The following SLC15A2 variants were observed in gnomAD, a reference collection of about 807,000 sequenced individuals.
SLC15A2 encodes solute carrier family 15 member 2.
A neutral mutation model predicts 95.5 loss-of-function variants in SLC15A2; 77 were observed. The observed-to-expected ratio is 0.81, with a 90% CI of 0.67 to 0.97. The LOEUF (loss-of-function observed/expected upper bound fraction) is 0.97, where lower values mean the gene tolerates loss of function less well. Among genes scored for constraint, SLC15A2 ranks in the 50% least tolerant of loss-of-function variants. The pLI, the probability that SLC15A2 is intolerant of heterozygous loss-of-function variation, is 0.00. For synonymous variants in SLC15A2, 306 were observed against 306.9 expected, an observed-to-expected ratio of 1.00 and a Z score of 0.03; for missense variants, 893 against 874.4, an observed-to-expected ratio of 1.02 and a Z score of -0.27.
chr3:121,896,134 G>A (rs989667601), intron 1 of SLC15A2, among the ~76,000 whole-genome samples: 1 of 152,028 alleles, frequency 6.6e-6, no homozygotes, highest in Non-Finnish European at 1.5e-5. Context: ...AGTAGTTGTG[G>A]GAAGATGAGC....
In SLC15A2 at chr3:121,924,938, G is replaced by T. The variant is rs768468358; in HGVS notation, c.1036-7G>T. On this transcript the variant is annotated splice_region_variant and splice_polypyrimidine_tract_variant and intron_variant, in intron 12 of 21. Coordinates refer to ENST00000489711, the MANE Select transcript of SLC15A2 (RefSeq NM_021082.4). ...TGTAGCTAATCCTTTTTATCATGGT[G>T]TTACAGGTTCTAAATCCCCTTCTGG... 1 of 1,590,056 alleles carries T rather than the reference G, an allele frequency of 6.3e-7. No homozygotes were observed. Among genetic ancestry groups the T allele is most frequent in the Non-Finnish European group, 8.6e-7 (1 of 1,157,926 alleles).
intron 19 of SLC15A2, among the ~76,000 whole-genome samples, chr3:121,938,186 T>C (rs1297364883): frequency 6.6e-6 from 1 of 151,888 alleles, no homozygotes; most frequent in African/African-American, 2.4e-5. Context: ...GACAGGGACA[T>C]TTAAGTCTGC....
chr3:121,929,461 G>A, intron 17 of SLC15A2, 113 bp downstream of exon 17: 1 of 1,151,924 alleles, frequency 8.7e-7, no homozygotes, highest in Non-Finnish European at 1.3e-6. Context: ...CTCGTAGAAT[G>A]CCAGGGGCAC....
At chr3:121,939,081 A>T (rs1436301503) in intron 19 of SLC15A2, 1 of 290,202 alleles carries the variant, frequency 3.4e-6, no homozygotes, top group East Asian at 5.9e-5. Context: ...GATAGGGCAA[A>T]ACGGTGGAAA....
chr3:121,928,153 C>T, intron 14 of SLC15A2: 1 of 539,244 alleles, frequency 1.9e-6, no homozygotes, highest in Non-Finnish European at 3.3e-6. Context: ...AACCTTTTGG[C>T]AGATTGAATA....
rs2107598090 is a variant in SLC15A2 at position 121,924,388 on chromosome 3, G to A, written c.1035+5G>A. The A allele has an allele frequency of 1.9e-6, 3 of 1,612,858 alleles. No individual in the cohort carries two copies. The highest frequency in any genetic ancestry group is 1.1e-5 in the South Asian group (1 of 91,056). On this transcript the variant is annotated splice_donor_5th_base_variant and intron_variant, in intron 12 of 21. Transcript: ENST00000489711. Reference sequence around the variant, plus strand: ...CTTCAGCCGGACCAGATGCAGGTATGTGACTCTTCTATAGCCATGGGGACT... The same window carrying A: ...CTTCAGCCGGACCAGATGCAGGTATATGACTCTTCTATAGCCATGGGGACT...
At chr3:121,914,261 T>G (rs1376195695) in intron 5 of SLC15A2, among the ~76,000 whole-genome samples, 1 of 152,044 alleles carries the variant, frequency 6.6e-6, no homozygotes, top group African/African-American at 2.4e-5. Context: ...AAATAGAAAA[T>G]GGGGAAGGAC....
chr3:121,911,364 T>C (rs1709762890), intron 3 of SLC15A2, among the ~76,000 whole-genome samples: 1 of 152,196 alleles, frequency 6.6e-6, no homozygotes. Context: ...CCTCTAACAC[T>C]AAAGAGTGAA....
At chr3:121,895,641 C>T (rs1205949827) in intron 1 of SLC15A2, among the ~76,000 whole-genome samples, 1 of 152,076 alleles carries the variant, frequency 6.6e-6, no homozygotes, top group Non-Finnish European at 1.5e-5. Flanking sequence ...CTCTATGTCT[C>T]TTCTCATGTT....
Position 121,942,466 on chromosome 3 carries a change from G to A in SLC15A2, c.*1459G>A, listed in dbSNP as rs990927312. On this transcript the variant is annotated 3_prime_UTR_variant, in exon 22 of 22. Coordinates refer to ENST00000489711, the MANE Select transcript of SLC15A2 (RefSeq NM_021082.4). ...TACGTAACAATGTTCATGTTAACAG[G>A]CACCTGTTAATATTAACAGATAATG... The A allele has an allele frequency of 6.6e-6, 1 of 152,144 alleles. No individual in the cohort carries two copies. Among genetic ancestry groups the A allele is most frequent in the Non-Finnish European group, 1.5e-5 (1 of 68,024 alleles). 9.4% of individuals were successfully genotyped at this position (152,144 alleles called of 1,614,324 possible). A position where few individuals can be genotyped will look rare whatever the true frequency, so the allele number is the denominator to read the frequency against.
At chr3:121,904,414 T>C (rs1208620517) in intron 3 of SLC15A2, among the ~76,000 whole-genome samples, 1 of 152,240 alleles carries the variant, frequency 6.6e-6, no homozygotes, top group African/African-American at 2.4e-5. Context: ...AGAGAGGGCA[T>C]CCCTGTCTTG....
chr3:121,938,774 C>A (rs570564479), intron 19 of SLC15A2, among the ~76,000 whole-genome samples: 2 of 152,334 alleles, frequency 1.3e-5, no homozygotes, highest in African/African-American at 4.8e-5. Flanking sequence ...TCCTATTCGG[C>A]CATCTTGGCT....
chr3:121,928,894 G>T, intron 15 of SLC15A2, 88 bp from the exon 16 acceptor site: 1 of 1,405,904 alleles, frequency 7.1e-7, no homozygotes, highest in Non-Finnish European at 9.7e-7. Context: ...TGTCTGATGA[G>T]GTCACCTACC....
chr3:121,914,303 G>C (rs1481016392), intron 5 of SLC15A2, among the ~76,000 whole-genome samples: 3 of 152,186 alleles, frequency 2.0e-5, no homozygotes, highest in African/African-American at 7.2e-5. Flanking sequence ...GAGAGATCTG[G>C]GGTGTCAGAA....
chr3:121,901,396 T>G (rs1403967683), intron 3 of SLC15A2, among the ~76,000 whole-genome samples: 1 of 152,200 alleles, frequency 6.6e-6, no homozygotes, highest in Admixed American at 6.5e-5. Flanking sequence ...ATTCATAAAT[T>G]TATTCACCCT....
chr3:121,912,570 C>T (rs1025976274), intron 4 of SLC15A2, among the ~76,000 whole-genome samples: 7 of 151,968 alleles, frequency 4.6e-5, no homozygotes, highest in South Asian at 2.1e-4. Context: ...ATTGGTGTCC[C>T]GTCAAAAATC....
intron 3 of SLC15A2, among the ~76,000 whole-genome samples, chr3:121,909,936 A>G (rs1709728265): frequency 1.3e-5 from 2 of 152,030 alleles, no homozygotes; most frequent in East Asian, 1.9e-4. Context: ...TAGTCCATCA[A>G]TTGGATACCG....
chr3:121,897,462 AG>A lies in SLC15A2; in HGVS notation c.269del (p.Ser90ThrfsTer37), dbSNP rs1709440266. On this transcript the variant is annotated frameshift_variant, in exon 3 of 22. Transcript: ENST00000489711. LOFTEE classifies it high-confidence loss of function. ...DTSTSIYHAFSSLCYFTPILG... is the reference protein window; with the variant it reads ...DTSTSIYHAFXSLCYFTPILG... Reference sequence around the variant, plus strand: ...CTCCACATCTATATACCATGCCTTCAGCAGCCTCTGTTATTTTACTCCCATC... The same window carrying A: ...CTCCACATCTATATACCATGCCTTCACAGCCTCTGTTATTTTACTCCCATC... 12 of 1,614,030 alleles carry A rather than the reference AG, an allele frequency of 7.4e-6. No homozygotes were observed. The highest frequency in any genetic ancestry group is 1.0e-5 in the Non-Finnish European group (12 of 1,179,994).
intron 19 of SLC15A2, among the ~76,000 whole-genome samples, chr3:121,937,347 T>C (rs1710367713): frequency 9.9e-6 from 1 of 100,606 alleles, no homozygotes; most frequent in African/African-American, 4.0e-5. Context: ...CTGGATAATA[T>C]CCTGCAGAGT....
Sources: gnomAD v4.1 joint callset for allele counts (sites outside exome capture counted in the v4.1 genomes callset) on GRCh38, gnomAD v4.1.1 for gene constraint, MANE v1.5 for transcripts, NCBI Gene and HGNC (gene_info 2026-07-23, HGNC 2026-07-21) for gene names.